Variants in FAM13A observed in about 807,000 individuals in gnomAD.
The protein encoded by FAM13A is protein FAM13A.
Under a neutral mutation model 129.6 loss-of-function variants are expected in FAM13A, and 76 were observed. That is an observed-to-expected ratio of 0.59 (90% confidence interval 0.49 to 0.71). The LOEUF is 0.71. FAM13A is among the 30% of genes least tolerant of loss of function. The probability of loss-of-function intolerance (pLI) is 0.00; values close to 1 mark genes in which losing one functional copy is unlikely to be tolerated. For synonymous variants in FAM13A, 443 were observed against 449.9 expected (o/e 0.98, Z 0.20); for missense variants, 1,108 against 1,249.3 (o/e 0.89, Z 1.70).
At chr4:88,982,808 T>A (rs535571843) in intron 4 of FAM13A, among the ~76,000 whole-genome samples, 1 of 152,260 alleles carries the variant, frequency 6.6e-6, no homozygotes, top group African/African-American at 2.4e-5. Context: ...AAAGAAAATA[T>A]TTATGTAGTG....
intron 4 of FAM13A, among the ~76,000 whole-genome samples, chr4:88,968,462 A>T (rs747339013): frequency 6.6e-6 from 1 of 152,174 alleles, no homozygotes; most frequent in Non-Finnish European, 1.5e-5. Flanking sequence ...CTTCGCTATG[A>T]CCGAGAATCA....
intron 1 of FAM13A, among the ~76,000 whole-genome samples, chr4:89,036,407 C>G (rs1341832865): frequency 2.0e-5 from 3 of 152,168 alleles, no homozygotes; most frequent in Non-Finnish European, 4.4e-5. Context: ...CGAGATTTGA[C>G]CTGGCTGCTT....
At chr4:88,777,790 T>C (rs975392146) in intron 11 of FAM13A, among the ~76,000 whole-genome samples, 6 of 152,188 alleles carry the variant, frequency 3.9e-5, no homozygotes, top group Admixed American at 2.0e-4. Context: ...CTCCTGAAAA[T>C]GGCTCTTGCT....
chr4:88,993,986 G>A (rs1159825422), intron 3 of FAM13A, among the ~76,000 whole-genome samples: 2 of 147,308 alleles, frequency 1.4e-5, no homozygotes, highest in Admixed American at 1.3e-4. Context: ...GCAAGACCCT[G>A]CCTCAAAAAA....
intron 4 of FAM13A, among the ~76,000 whole-genome samples, chr4:88,941,395 G>A (rs777024475): frequency 2.6e-5 from 4 of 152,082 alleles, no homozygotes; most frequent in Admixed American, 6.5e-5. Flanking sequence ...TAAAATGACC[G>A]ATCCACTTTT....
chr4:88,924,193 GA>G (rs1441392370), intron 5 of FAM13A, among the ~76,000 whole-genome samples: 3 of 152,060 alleles, frequency 2.0e-5, no homozygotes, highest in Admixed American at 2.0e-4. Flanking sequence ...CACAGAATTG[GA>G]AAAAACTACT....
intron 3 of FAM13A, among the ~76,000 whole-genome samples, chr4:89,013,326 G>GTATATA (rs146908296): frequency 0.046 from 6,762 of 148,366 alleles, 208 homozygotes; most frequent in Non-Finnish European, 0.068. Flanking sequence ...ATATAACACA[G>GTATATA]TATATATACA....
At chr4:88,969,684 T>G (rs1759817866) in intron 4 of FAM13A, among the ~76,000 whole-genome samples, 1 of 152,258 alleles carries the variant, frequency 6.6e-6, no homozygotes, top group South Asian at 2.1e-4. Flanking sequence ...GTATACTATG[T>G]ACAGGTACTT....
intron 7 of FAM13A, among the ~76,000 whole-genome samples, chr4:88,823,626 T>G (rs899738708): frequency 2.6e-5 from 4 of 152,038 alleles, no homozygotes; most frequent in African/African-American, 9.7e-5. Flanking sequence ...AAGGCAAGAG[T>G]TATGTTGCGT....
At chr4:88,800,826 A>T (rs1727308985) in intron 8 of FAM13A, among the ~76,000 whole-genome samples, 1 of 152,204 alleles carries the variant, frequency 6.6e-6, no homozygotes, top group Non-Finnish European at 1.5e-5. Flanking sequence ...TTGCTAAAAA[A>T]GTGGATACTT....
intron 6 of FAM13A, among the ~76,000 whole-genome samples, chr4:88,865,794 C>T (rs946138755): frequency 6.6e-6 from 1 of 151,680 alleles, no homozygotes; most frequent in Non-Finnish European, 1.5e-5. Flanking sequence ...ATAGATGGTA[C>T]GCGGGATTTG....
rs909472107 is a variant in FAM13A, at chr4:88,728,348, T to C, written c.*185A>G. ...TACAAAATGCCTAAGTCAGGTCACA[T>C]TGTCTTCTTCCAGCCAGTTTCTAAG... On this transcript the variant is annotated 3_prime_UTR_variant, in exon 24 of 24. Coordinates refer to ENST00000264344, the MANE Select transcript of FAM13A (RefSeq NM_014883.4). 3 of 677,996 alleles carry C rather than the reference T, an allele frequency of 4.4e-6. No individual in the cohort carries two copies. Among genetic ancestry groups the C allele is most frequent in the African/African-American group, 1.8e-5 (1 of 55,262 alleles). The allele number at this position is 677,996 out of a possible 1,614,324, so 42.0% of individuals were successfully genotyped here. A position where few individuals can be genotyped will look rare whatever the true frequency, so the allele number is the denominator to read the frequency against.
Position 88,732,130 on chromosome 4 carries a change from A to G in FAM13A, c.2715T>C (p.Asp905=). 2 of 1,613,888 alleles carry G rather than the reference A, an allele frequency of 1.2e-6. No individual in the cohort carries two copies. Among genetic ancestry groups the G allele is most frequent in the South Asian group, 2.2e-5 (2 of 91,044 alleles). ...GGTCCAGAAAGCATCGTGCACTGAA[A>G]TCGGTTTTCAGAGTGACCATGAAGT... ...KPDFMVTLKT[D]FSARCFLDQF... is the part of the protein sequence containing the mutation. The change falls in exon 22 of 24, where the codon GAT becomes GAC. Residue 905 remains aspartate, a synonymous_variant. Coordinates refer to ENST00000264344, the MANE Select transcript of FAM13A (RefSeq NM_014883.4).
intron 5 of FAM13A, among the ~76,000 whole-genome samples, chr4:88,916,940 T>C (rs969590754): frequency 4.6e-5 from 7 of 152,172 alleles, no homozygotes; most frequent in African/African-American, 1.7e-4. Context: ...ATTTTTAAAA[T>C]TCACTGCTAT....
chr4:89,006,622 A>G (rs977608951), intron 3 of FAM13A, among the ~76,000 whole-genome samples: 2 of 152,194 alleles, frequency 1.3e-5, no homozygotes, highest in African/African-American at 4.8e-5. Context: ...ATGGACGGCT[A>G]AGTGTTAACC....
chr4:88,760,986 T>C (rs1193283109), intron 13 of FAM13A, among the ~76,000 whole-genome samples: 1 of 152,202 alleles, frequency 6.6e-6, no homozygotes, highest in Non-Finnish European at 1.5e-5. Context: ...TTTTAAAGTA[T>C]GGTATTTCCT....
In FAM13A at chr4:89,020,449, A is replaced by G. The variant is rs1434684930; in HGVS notation, c.427+11T>C. The G allele has an allele frequency of 6.2e-7, 1 of 1,606,676 alleles. No individual in the cohort carries two copies. On this transcript the variant is annotated intron_variant, in intron 3 of 23. Transcript: ENST00000264344. The stretch of plus-strand genomic sequence containing the variant: ...GTTGTTTTAACTCCTAAAAGGATTT[A>G]TTGTACTAACCCTGAAAGAGTTGAA...
intron 6 of FAM13A, among the ~76,000 whole-genome samples, chr4:88,858,823 CT>C (rs1177036877): frequency 6.6e-6 from 1 of 152,148 alleles, no homozygotes; most frequent in Non-Finnish European, 1.5e-5. Flanking sequence ...GGTTGCACAA[CT>C]TTGTAAATAC....
chr4:88,775,181 C>T (rs1422813591), intron 11 of FAM13A, among the ~76,000 whole-genome samples: 1 of 152,042 alleles, frequency 6.6e-6, no homozygotes, highest in Admixed American at 6.6e-5. Flanking sequence ...AAGGAGAGGT[C>T]AACATCATTC....
Sources: gnomAD v4.1 joint callset for allele counts (sites outside exome capture counted in the v4.1 genomes callset) on GRCh38, gnomAD v4.1.1 for gene constraint, MANE v1.5 for transcripts, NCBI Gene and HGNC (gene_info 2026-07-23, HGNC 2026-07-21) for gene names.